Variants in PKD2L1 observed in about 807,000 individuals in gnomAD.
The protein encoded by PKD2L1 is polycystin-2-like protein 1.
A neutral mutation model predicts 93.0 loss-of-function variants in PKD2L1; 77 were observed. The ratio of observed to expected loss-of-function variants is 0.83; its 90% confidence interval spans 0.69 to 1.00. The LOEUF (loss-of-function observed/expected upper bound fraction) is 1.00, where lower values mean the gene tolerates loss of function less well. Among genes scored for constraint, PKD2L1 ranks in the 50% least tolerant of loss-of-function variants. The pLI is 0.00. For missense variants in PKD2L1, 977 were observed against 990.9 expected (o/e 0.99, Z 0.19); for synonymous variants, 390 against 388.0 (o/e 1.01, Z -0.06).
rs78767050 is a variant in PKD2L1 at position 100,319,407 on chromosome 10, G to A, written c.349+9804C>T. ...CAGACCACCTTATTCCAGGTCACAC[G>A]CTCTTTCCATTATACAACTGTGCCT... On this transcript the variant is annotated intron_variant, in intron 2 of 15. Coordinates refer to ENST00000318222, the MANE Select transcript of PKD2L1 (RefSeq NM_016112.3). Among the ~76,000 whole-genome samples, 911 of 152,296 alleles carry A rather than the reference G, an allele frequency of 6.0e-3. 7 individuals carry two copies. The highest frequency in any genetic ancestry group is 0.02 in the African/African-American group (845 of 41,562).
chr10:100,304,049 CT>C (rs1331321995), intron 2 of PKD2L1, among the ~76,000 whole-genome samples: 1 of 152,214 alleles, frequency 6.6e-6, no homozygotes, highest in Non-Finnish European at 1.5e-5. Flanking sequence ...TACACGTCTT[CT>C]GAGAAAAATG....
chr10:100,298,665 A>G lies in PKD2L1; in HGVS notation c.628T>C (p.Cys210Arg). ...TCCCGGAAGTCTTCATGCACCACACAGGAGTCATTGCGGACCTTTAGCTGC... is the reference window on the plus strand; with the variant it reads ...TCCCGGAAGTCTTCATGCACCACACGGGAGTCATTGCGGACCTTTAGCTGC... ...LRQLKVRNDSCVVHEDFREDI... is the reference protein window; with the variant it reads ...LRQLKVRNDSRVVHEDFREDI... Residue 210 changes from cysteine to arginine, a missense_variant, in exon 4 of 16, where the codon TGT (cysteine) becomes CGT (arginine). Coordinates refer to ENST00000318222, the MANE Select transcript of PKD2L1 (RefSeq NM_016112.3). The G allele has an allele frequency of 6.2e-7, 1 of 1,614,156 alleles. No individual in the cohort carries two copies. The highest frequency in any genetic ancestry group is 1.7e-5 in the Admixed American group (1 of 60,016).
At chr10:100,302,763 C>CA (rs1443096017) in intron 2 of PKD2L1, among the ~76,000 whole-genome samples, 1 of 151,494 alleles carries the variant, frequency 6.6e-6, no homozygotes, top group African/African-American at 2.4e-5. Context: ...TGTTCTGAAG[C>CA]AAAAAAAGAA....
intron 2 of PKD2L1, among the ~76,000 whole-genome samples, chr10:100,321,733 A>G (rs1849242811): frequency 8.7e-5 from 1 of 11,492 alleles, no homozygotes; most frequent in African/African-American, 3.1e-4. Flanking sequence ...GAAAGAAAGA[A>G]AGAAAGAAAG....
chr10:100,300,186 T>C (rs1848644373), intron 2 of PKD2L1, among the ~76,000 whole-genome samples: 1 of 152,172 alleles, frequency 6.6e-6, no homozygotes, highest in African/African-American at 2.4e-5. Flanking sequence ...CACCTTACAA[T>C]AGAGATGTGG....
At chr10:100,323,350 C>T (rs1849304727) in intron 2 of PKD2L1, among the ~76,000 whole-genome samples, 1 of 152,196 alleles carries the variant, frequency 6.6e-6, no homozygotes, top group African/African-American at 2.4e-5. Context: ...CTCACTGCAA[C>T]CTCCACCTCC....
At chr10:100,294,753 A>G (rs1805367640) in intron 8 of PKD2L1, 98 bp from the exon 9 acceptor site, 4 of 1,515,822 alleles carry the variant, frequency 2.6e-6, no homozygotes, top group Admixed American at 1.7e-5. Flanking sequence ...GTTCACCCCA[A>G]TCTGATAGAC....
intron 14 of PKD2L1, among the ~76,000 whole-genome samples, chr10:100,289,572 T>C (rs753658563): frequency 6.6e-6 from 1 of 151,600 alleles, no homozygotes; most frequent in Non-Finnish European, 1.5e-5. Flanking sequence ...AATAAAAAAA[T>C]AAAATAAAGG....
At chr10:100,308,442 C>T (rs1379879972) in intron 2 of PKD2L1, among the ~76,000 whole-genome samples, 3 of 151,812 alleles carry the variant, frequency 2.0e-5, no homozygotes, top group Non-Finnish European at 4.4e-5. Flanking sequence ...TCAAGCAATT[C>T]TCCTGCTTCA....
intron 3 of PKD2L1, 71 bp from the exon 4 acceptor site, chr10:100,298,886 CT>C (rs1848614755): frequency 6.9e-7 from 1 of 1,456,280 alleles, no homozygotes; most frequent in African/African-American, 1.4e-5. Flanking sequence ...GACCTTTGCC[CT>C]CATCCTCTGA....
intron 8 of PKD2L1, 134 bp from the exon 9 acceptor site, chr10:100,294,789 A>T (rs765472294): frequency 9.5e-6 from 13 of 1,370,048 alleles, no homozygotes; most frequent in Non-Finnish European, 1.3e-5. Context: ...TAGATTATTT[A>T]AGCACACACA....
Position 100,323,560 on chromosome 10 carries a change from C to T in PKD2L1, c.349+5651G>A, listed in dbSNP as rs143430542. On this transcript the variant is annotated intron_variant, in intron 2 of 15. Coordinates refer to ENST00000318222, the MANE Select transcript of PKD2L1 (RefSeq NM_016112.3). ...CTGGGATTACAGGCATGAGCCACGGCGCCCGGCTCACTCTGTATCTTTATG... is the reference window on the plus strand; with the variant it reads ...CTGGGATTACAGGCATGAGCCACGGTGCCCGGCTCACTCTGTATCTTTATG... 5.7e-3 allele frequency among the ~76,000 whole-genome samples: 871 copies of T among 151,768 alleles called. 9 individuals are homozygous for T. Among genetic ancestry groups the T allele is most frequent in the African/African-American group, 0.02 (821 of 41,430 alleles).
intron 2 of PKD2L1, among the ~76,000 whole-genome samples, chr10:100,323,720 T>A (rs985498718): frequency 2.6e-5 from 4 of 152,266 alleles, no homozygotes; most frequent in Non-Finnish European, 5.9e-5. Flanking sequence ...TTTTGAAAGA[T>A]ATAATACATT....
At chr10:100,299,284 A>G (rs73340092) in intron 3 of PKD2L1, among the ~76,000 whole-genome samples, 7,516 of 152,124 alleles carry the variant, frequency 0.049, 638 homozygotes, top group African/African-American at 0.17. Context: ...CCATTGACCA[A>G]TGAACCTTGA....
intron 2 of PKD2L1, 30 bp downstream of exon 2, chr10:100,329,181 C>T: frequency 6.2e-7 from 1 of 1,609,352 alleles, no homozygotes; most frequent in South Asian, 1.1e-5. Context: ...TTCTCACAGA[C>T]AGATGTACAC....
chr10:100,316,181 G>GT (rs974729013), intron 2 of PKD2L1, among the ~76,000 whole-genome samples: 18 of 151,944 alleles, frequency 1.2e-4, no homozygotes, highest in African/African-American at 2.9e-4. Context: ...TATTTCTTTT[G>GT]TTTTTTTTGA....
rs1849445011 is a variant in PKD2L1 at position 100,329,186 on chromosome 10, G to A, written c.349+25C>T. ...ACATAGATGTTTCTCACAGACAGAT[G>A]TACACAAACACAGATGCTACTCACG... is the stretch of plus-strand genomic sequence containing the variant. On this transcript the variant is annotated intron_variant, in intron 2 of 15. Transcript: ENST00000318222. 4 of 1,610,726 alleles carry A rather than the reference G, an allele frequency of 2.5e-6. No homozygotes were observed. In the East Asian group the frequency reaches 8.9e-5, roughly 36 times the overall value.
intron 2 of PKD2L1, among the ~76,000 whole-genome samples, chr10:100,326,466 T>G (rs576392156): frequency 6.6e-6 from 1 of 152,136 alleles, no homozygotes; most frequent in Non-Finnish European, 1.5e-5. Context: ...ATCCTCCATA[T>G]CTCTCAGGTT....
intron 2 of PKD2L1, among the ~76,000 whole-genome samples, chr10:100,301,411 G>A (rs1184541476): frequency 3.8e-4 from 57 of 151,878 alleles, no homozygotes; most frequent in South Asian, 2.1e-4. Context: ...TCTGTTATCT[G>A]CAGCTGCATA....
Sources: allele counts gnomAD v4.1 joint callset (sites outside exome capture counted in the v4.1 genomes callset), GRCh38; gene constraint gnomAD v4.1.1; transcripts MANE v1.5; gene names NCBI Gene and HGNC (gene_info 2026-07-23, HGNC 2026-07-21).